The following PARD3B variants were observed in gnomAD, a reference collection of about 807,000 sequenced individuals.
PARD3B encodes the protein par-3 family cell polarity regulator beta, also known as partitioning defective 3 homolog B.
Under a neutral mutation model 130.2 loss-of-function variants are expected in PARD3B, and 103 were observed. The ratio of observed to expected loss-of-function variants is 0.79; its 90% CI spans 0.67 to 0.93. PARD3B has a LOEUF of 0.93. PARD3B is among the 40% of genes least tolerant of loss of function. The probability of loss-of-function intolerance (pLI) is 0.00; values close to 1 mark genes in which losing one functional copy is unlikely to be tolerated. For missense variants in PARD3B, 1,609 were observed against 1,499.2 expected (o/e 1.07, Z -1.21); for synonymous variants, 583 against 553.2 (o/e 1.05, Z -0.76).
chr2:205,616,976 AAT>A lies in PARD3B; in HGVS notation c.*1165_*1166del, dbSNP rs528023039. 21 of 154,470 alleles carry A rather than the reference AAT, an allele frequency of 1.4e-4. 1 individual carries two copies. In the South Asian group the frequency reaches 4.1e-3, roughly 30 times the overall value. 9.6% of individuals were successfully genotyped at this position (154,470 alleles called of 1,614,324 possible). On this transcript the variant is annotated 3_prime_UTR_variant, in exon 23 of 23. Coordinates refer to ENST00000406610, the MANE Select transcript of PARD3B (RefSeq NM_001302769.2). ...TTGCCAGTATGGAGAATGAAAGATT[AAT>A]AATGCTTTCTGGAGAGTTTGATGCA...
At chr2:205,595,094 CAT>C (rs1209029338) in intron 22 of PARD3B, among the ~76,000 whole-genome samples, 8 of 152,210 alleles carry the variant, frequency 5.3e-5, no homozygotes, top group Non-Finnish European at 1.0e-4. Context: ...CCATTTTACA[CAT>C]GAGGTTATTG....
chr2:204,580,612 C>T (rs1167236848), intron 1 of PARD3B, among the ~76,000 whole-genome samples: 1 of 152,164 alleles, frequency 6.6e-6, no homozygotes, highest in African/African-American at 2.4e-5. Context: ...TTTTCTTAGG[C>T]TGGGTATCAC....
At position 205,305,790 on chromosome 2, in the gene PARD3B, T is replaced by C. The variant is rs575998048; in HGVS notation, c.2630+4089T>C. On this transcript the variant is annotated intron_variant, in intron 18 of 22. Coordinates refer to ENST00000406610, the MANE Select transcript of PARD3B (RefSeq NM_001302769.2). ...AGAATTATCATTTTTATGAGAATCA[T>C]ATTTTATTAGATGTAACATGGTTAG... Among the ~76,000 whole-genome samples, 165 of 152,314 alleles carry C rather than the reference T, an allele frequency of 1.1e-3. 2 individuals are homozygous for C. Among genetic ancestry groups the C allele is most frequent in the African/African-American group, 3.5e-3 (146 of 41,578 alleles).
rs1182164357 is a variant in PARD3B at position 205,254,928 on chromosome 2, T to C, written c.2185+9106T>C. On this transcript the variant is annotated intron_variant, in intron 16 of 22. Transcript: ENST00000406610. The stretch of plus-strand genomic sequence containing the variant: ...ATCCGCCCGCCTCGGCCTCCCAAAG[T>C]GCTGGGATTACAGGTGTGAGCCACC... Among the ~76,000 whole-genome samples the C allele has an allele frequency of 4.6e-5, 7 of 152,024 alleles. No homozygotes were observed. The East Asian group carries it at 1.4e-3, about 29-fold the overall frequency.
At chr2:205,243,728 T>A (rs1471367947) in intron 15 of PARD3B, among the ~76,000 whole-genome samples, 1 of 152,194 alleles carries the variant, frequency 6.6e-6, no homozygotes, top group African/African-American at 2.4e-5. Flanking sequence ...AATGGAGTGG[T>A]TAAGAGTGCC....
chr2:205,113,931 A>G (rs1286963424), intron 6 of PARD3B, among the ~76,000 whole-genome samples: 1 of 152,144 alleles, frequency 6.6e-6, no homozygotes, highest in Non-Finnish European at 1.5e-5. Flanking sequence ...AATATACTTC[A>G]ACAAGTGAGT....
intron 2 of PARD3B, among the ~76,000 whole-genome samples, chr2:204,864,331 G>C (rs1315616851): frequency 6.6e-6 from 1 of 152,086 alleles, no homozygotes; most frequent in Non-Finnish European, 1.5e-5. Flanking sequence ...TCTTACCTGG[G>C]ACTTGAAAAG....
chr2:204,618,596 A>G lies in PARD3B; in HGVS notation c.121-67585A>G, dbSNP rs1371723754. Among the ~76,000 whole-genome samples, 3 of 152,180 alleles carry G rather than the reference A, an allele frequency of 2.0e-5. No homozygotes were observed. The East Asian group carries it at 5.8e-4, about 29-fold the overall frequency. Reference sequence around the variant, plus strand: ...ATTTCTTTGCATTATGAAGTCATTTATAAGCAACTTCTTTTACAATAATAA... The same window carrying G: ...ATTTCTTTGCATTATGAAGTCATTTGTAAGCAACTTCTTTTACAATAATAA... On this transcript the variant is annotated intron_variant, in intron 1 of 22. Transcript: ENST00000406610.
At chr2:205,108,864 T>G (rs1438630709) in intron 5 of PARD3B, among the ~76,000 whole-genome samples, 2 of 152,240 alleles carry the variant, frequency 1.3e-5, no homozygotes, top group African/African-American at 4.8e-5. Context: ...AGCATAAGTT[T>G]ACTTCTAAAA....
intron 2 of PARD3B, among the ~76,000 whole-genome samples, chr2:204,833,395 C>G (rs544330928): frequency 6.6e-6 from 1 of 152,180 alleles, no homozygotes; most frequent in South Asian, 2.1e-4. Flanking sequence ...ACTCTGCTTC[C>G]CAGATCAATA....
intron 3 of PARD3B, among the ~76,000 whole-genome samples, chr2:204,999,910 A>C (rs1049209019): frequency 1.3e-5 from 2 of 152,204 alleles, no homozygotes; most frequent in African/African-American, 4.8e-5. Flanking sequence ...ATAGTATTGG[A>C]AAAATGATCT....
At chr2:204,963,093 A>C (rs1690897328) in intron 2 of PARD3B, among the ~76,000 whole-genome samples, 1 of 152,210 alleles carries the variant, frequency 6.6e-6, no homozygotes, top group Admixed American at 6.5e-5. Flanking sequence ...AAACAGCTAC[A>C]GTATAGGAAA....
At chr2:204,572,588 T>A (rs574603674) in intron 1 of PARD3B, among the ~76,000 whole-genome samples, 5 of 152,356 alleles carry the variant, frequency 3.3e-5, no homozygotes, top group African/African-American at 1.2e-4. Context: ...TTAAAAGAGA[T>A]GTCTAGTTAT....
intron 19 of PARD3B, among the ~76,000 whole-genome samples, chr2:205,422,331 C>A (rs1184425833): frequency 6.6e-6 from 1 of 152,084 alleles, no homozygotes; most frequent in Non-Finnish European, 1.5e-5. Flanking sequence ...CACAGATCAT[C>A]GTAGGGAGCT....
intron 3 of PARD3B, among the ~76,000 whole-genome samples, chr2:205,027,090 T>C (rs763377551): frequency 2.6e-5 from 4 of 152,182 alleles, no homozygotes; most frequent in African/African-American, 4.8e-5. Flanking sequence ...GGCTGGACCA[T>C]AGGGTACTTA....
intron 1 of PARD3B, among the ~76,000 whole-genome samples, chr2:204,559,859 T>TA (rs936369607): frequency 2.0e-5 from 3 of 152,100 alleles, no homozygotes; most frequent in East Asian, 1.9e-4. Flanking sequence ...TATGCAGCTG[T>TA]AAAAAAGGGT....
intron 16 of PARD3B, among the ~76,000 whole-genome samples, chr2:205,266,606 T>C (rs1472966156): frequency 6.6e-6 from 1 of 152,114 alleles, no homozygotes; most frequent in Non-Finnish European, 1.5e-5. Context: ...ACTGTGGTGT[T>C]TGTTGCTATT....
At chr2:205,328,276 A>G (rs2043001075) in intron 18 of PARD3B, among the ~76,000 whole-genome samples, 2 of 152,138 alleles carry the variant, frequency 1.3e-5, no homozygotes, top group Non-Finnish European at 2.9e-5. Context: ...TTGACATTAT[A>G]TCATTATCTC....
At chr2:204,856,128 T>C (rs1364854214) in intron 2 of PARD3B, among the ~76,000 whole-genome samples, 1 of 152,154 alleles carries the variant, frequency 6.6e-6, no homozygotes, top group African/African-American at 2.4e-5. Flanking sequence ...CCATACTGTT[T>C]CCCAAAATGG....
Sources: gnomAD v4.1 joint callset for allele counts (sites outside exome capture counted in the v4.1 genomes callset) on GRCh38, gnomAD v4.1.1 for gene constraint, MANE v1.5 for transcripts, NCBI Gene and HGNC (gene_info 2026-07-23, HGNC 2026-07-21) for gene names.